The following SLC47A1 variants were observed in gnomAD, a reference collection of about 807,000 sequenced individuals.
SLC47A1 encodes solute carrier family 47 member 1.
A neutral mutation model predicts 65.8 loss-of-function variants in SLC47A1; 58 were observed. The ratio of observed to expected loss-of-function variants is 0.88; its 90% confidence interval spans 0.71 to 1.10. SLC47A1 has a LOEUF of 1.10. SLC47A1 is among the 50% of genes least tolerant of loss of function. SLC47A1 has a pLI of 0.00. For missense variants in SLC47A1, 706 were observed against 719.2 expected (o/e 0.98, Z 0.21); for synonymous variants, 285 against 295.0 (o/e 0.97, Z 0.35).
At chr17:19,536,976 T>C (rs1357822339) in intron 1 of SLC47A1, among the ~76,000 whole-genome samples, 1 of 152,274 alleles carries the variant, frequency 6.6e-6, no homozygotes, top group Non-Finnish European at 1.5e-5. Flanking sequence ...GCGTCCATTT[T>C]ATCCTGGAGA....
At chr17:19,535,173 G>T (rs1915957760) in intron 1 of SLC47A1, 1 of 152,386 alleles carries the variant, frequency 6.6e-6, no homozygotes, top group Non-Finnish European at 1.5e-5. Context: ...GGTGGTTCAC[G>T]CCTGTAATCC....
rs1380653381 is a variant in SLC47A1 at position 19,533,951 on chromosome 17, T to A, written c.12T>A (p.Pro4=). 1.3e-6 allele frequency: 2 copies of A among 1,528,544 alleles called. No individual in the cohort carries two copies. Among genetic ancestry groups the A allele is most frequent in the Non-Finnish European group, 1.8e-6 (2 of 1,141,926 alleles). 94.7% of individuals were successfully genotyped at this position (1,528,544 alleles called of 1,614,324 possible). A position where few individuals can be genotyped will look rare whatever the true frequency, so the allele number is the denominator to read the frequency against. The part of the protein sequence containing the change: MEA[P]EEPAPVRGGP... Reference sequence around the variant, plus strand: ...AGCGCGCGAGTCACATGGAAGCTCCTGAGGAGCCCGCGCCAGTGCGCGGAG... The same window carrying A: ...AGCGCGCGAGTCACATGGAAGCTCCAGAGGAGCCCGCGCCAGTGCGCGGAG... Residue 4 remains proline, a synonymous_variant, in exon 1 of 17, where the codon CCT becomes CCA. Coordinates refer to ENST00000270570, the MANE Select transcript of SLC47A1 (RefSeq NM_018242.3).
At chr17:19,573,646 G>A (rs142170694) in intron 16 of SLC47A1, among the ~76,000 whole-genome samples, 5 of 152,118 alleles carry the variant, frequency 3.3e-5, no homozygotes, top group African/African-American at 9.6e-5. Flanking sequence ...GCCTCCCAAA[G>A]CAGTGGGATT....
chr17:19,578,154 T>G lies in SLC47A1; in HGVS notation c.*601T>G. On this transcript the variant is annotated 3_prime_UTR_variant, in exon 17 of 17. Coordinates refer to ENST00000270570, the MANE Select transcript of SLC47A1 (RefSeq NM_018242.3). ...GTATGCCACCATGCCCAGCTGGCAT[T>G]TGTTAATCTTCATTTGAGGTCTAGA... 1 of 421,760 alleles carries G rather than the reference T, an allele frequency of 2.4e-6. No homozygotes were observed. The highest frequency in any genetic ancestry group is 4.6e-6 in the Non-Finnish European group (1 of 217,302). 26.1% of individuals were successfully genotyped at this position (421,760 alleles called of 1,614,324 possible).
At position 19,577,211 on chromosome 17, in the gene SLC47A1, A is replaced by G. The variant is rs950206099; in HGVS notation, c.1487-116A>G. On this transcript the variant is annotated intron_variant, in intron 16 of 16. Transcript: ENST00000270570. ...TCTTTTATTTATTCACTGTAGCAAT[A>G]GTGTCCTGAATTAACTTTCTCTCCA... The G allele has an allele frequency of 5.1e-6, 7 of 1,366,954 alleles. No homozygotes were observed. The African/African-American group carries it at 1.0e-4, about 20-fold the overall frequency. 84.7% of individuals were successfully genotyped at this position (1,366,954 alleles called of 1,614,324 possible).
chr17:19,558,237 C>G (rs1916676496), intron 10 of SLC47A1, among the ~76,000 whole-genome samples: 1 of 152,188 alleles, frequency 6.6e-6, no homozygotes, highest in Non-Finnish European at 1.5e-5. Context: ...CTTCGTCTTT[C>G]TTGACCTTGG....
chr17:19,555,651 T>C lies in SLC47A1; in HGVS notation c.700T>C (p.Tyr234His). Residue 234 changes from tyrosine to histidine, a missense_variant, in exon 8 of 17, where the codon TAC (tyrosine) becomes CAC (histidine). Physicochemically the swap from Tyr to His is moderately conservative, Grantham distance 83. Coordinates refer to ENST00000270570, the MANE Select transcript of SLC47A1 (RefSeq NM_018242.3). ...QYTLALLLFL[Y>H]ILGKKLHQAT... ...CACCCTGGCTCTACTCCTCTTTCTC[T>C]ACATCCTCGGGAAAAAACTGCATCA... 5 of 1,614,206 alleles carry C rather than the reference T, an allele frequency of 3.1e-6. No individual in the cohort carries two copies. In the South Asian group the frequency reaches 5.5e-5, roughly 18 times the overall value.
rs375987597 is a variant in SLC47A1, at chr17:19,555,193, T to C, written c.544-19T>C. 1 of 1,610,580 alleles carries C rather than the reference T, an allele frequency of 6.2e-7. No homozygotes were observed. Among genetic ancestry groups the C allele is most frequent in the East Asian group, 2.2e-5 (1 of 44,876 alleles). ...TATTCTGTGGATCTCAAGGATGGCA[T>C]GCGGTGTCCTTTTTCCAGGGAATTG... On this transcript the variant is annotated intron_variant, in intron 6 of 16. Coordinates refer to ENST00000270570, the MANE Select transcript of SLC47A1 (RefSeq NM_018242.3).
chr17:19,574,436 G>C (rs1426666201), intron 16 of SLC47A1, among the ~76,000 whole-genome samples: 1 of 152,122 alleles, frequency 6.6e-6, no homozygotes, highest in African/African-American at 2.4e-5. Flanking sequence ...TCAGAGGCTG[G>C]GCAGCCCCTC....
At chr17:19,541,390 C>T (rs541949314) in intron 1 of SLC47A1, among the ~76,000 whole-genome samples, 70 of 152,250 alleles carry the variant, frequency 4.6e-4, no homozygotes, top group African/African-American at 1.5e-3. Flanking sequence ...GATACTGGAC[C>T]GCCTGGGTCT....
In SLC47A1 at chr17:19,578,090, C is replaced by T. The variant is rs1942842407; in HGVS notation, c.*537C>T. On this transcript the variant is annotated 3_prime_UTR_variant, in exon 17 of 17. Coordinates refer to ENST00000270570, the MANE Select transcript of SLC47A1 (RefSeq NM_018242.3). Reference sequence around the variant, plus strand: ...CTCGAACTCTTGGGCTTCAAGCAATCCTCCTGTGTCAGCCACCAGAGTAGC... The same window carrying T: ...CTCGAACTCTTGGGCTTCAAGCAATTCTCCTGTGTCAGCCACCAGAGTAGC... 1 of 691,856 alleles carries T rather than the reference C, an allele frequency of 1.4e-6. No homozygotes were observed. The highest frequency in any genetic ancestry group is 1.8e-5 in the African/African-American group (1 of 54,246). The allele number at this position is 691,856 out of a possible 1,614,324, so 42.9% of individuals were successfully genotyped here.
intron 3 of SLC47A1, 86 bp downstream of exon 3, chr17:19,546,589 T>A: frequency 7.5e-7 from 1 of 1,337,216 alleles, no homozygotes; most frequent in Admixed American, 1.9e-5. Flanking sequence ...CAGGAAGAGT[T>A]CAGCAGCCAG....
intron 1 of SLC47A1, among the ~76,000 whole-genome samples, chr17:19,536,051 C>T (rs924396722): frequency 6.6e-6 from 1 of 151,940 alleles, no homozygotes; most frequent in African/African-American, 2.4e-5. Context: ...ACTGCAGCCT[C>T]AACTTCTGGA....
chr17:19,535,552 C>G (rs950271543), intron 1 of SLC47A1: 1 of 152,138 alleles, frequency 6.6e-6, no homozygotes, highest in Admixed American at 6.5e-5. Flanking sequence ...GAGATTGAGA[C>G]CATCCTGGCC....
rs1480216443 is a variant in SLC47A1 at position 19,560,224 on chromosome 17, G to A, written c.958G>A (p.Val320Ile). ...AGFSVAASVRVGNALGAGDME... is the reference protein window; with the variant it reads ...AGFSVAASVRIGNALGAGDME... Reference sequence around the variant, plus strand: ...CTTCAGTGTGGCTGCCAGTGTCCGGGTAGGAAACGCTCTGGGTGCTGGAGA... The same window carrying A: ...CTTCAGTGTGGCTGCCAGTGTCCGGATAGGAAACGCTCTGGGTGCTGGAGA... Residue 320 changes from valine to isoleucine, a missense_variant, in exon 11 of 17, where the codon GTA becomes ATA. Physicochemically the swap from Val to Ile is conservative, Grantham distance 29. Coordinates refer to ENST00000270570, the MANE Select transcript of SLC47A1 (RefSeq NM_018242.3). 1 of 1,613,372 alleles carries A rather than the reference G, an allele frequency of 6.2e-7. No individual in the cohort carries two copies. The highest frequency in any genetic ancestry group is 1.7e-5 in the Admixed American group (1 of 59,998).
chr17:19,574,795 C>T (rs1314765405), intron 16 of SLC47A1, among the ~76,000 whole-genome samples: 6 of 152,064 alleles, frequency 3.9e-5, no homozygotes, highest in Admixed American at 3.9e-4. Context: ...ACCACCACAC[C>T]CTGCTAATAT....
chr17:19,571,507 G>C lies in SLC47A1; in HGVS notation c.1339G>C (p.Val447Leu), dbSNP rs756279531. The change falls in exon 15 of 17, where the codon GTC becomes CTC. Residue 447 changes from valine (V) to leucine (L), a missense_variant. Val to Leu is a conservative substitution (Grantham distance 32, BLOSUM62 1). Transcript: ENST00000270570. ...GTGGTCAGGGATCATCATCTGTACA[G>C]TCTTTCAAGCTGTGTGTTTTCTAGG... ...GLWSGIIICTVFQAVCFLGFI... is the reference protein window; with the variant it reads ...GLWSGIIICTLFQAVCFLGFI... The C allele has an allele frequency of 6.2e-7, 1 of 1,613,900 alleles. No individual in the cohort carries two copies. Among genetic ancestry groups the C allele is most frequent in the Non-Finnish European group, 8.5e-7 (1 of 1,179,994 alleles).
chr17:19,577,188 TTTTA>T, intron 16 of SLC47A1, 135 bp from the exon 17 acceptor site: 1 of 1,238,786 alleles, frequency 8.1e-7, no homozygotes, highest in South Asian at 1.6e-5. Flanking sequence ...ATAAGATTTC[TTTTA>T]TTTATTCACT....
chr17:19,570,705 G>T (rs1048390949), intron 14 of SLC47A1: 1 of 152,290 alleles, frequency 6.6e-6, no homozygotes, highest in African/African-American at 2.4e-5. Flanking sequence ...ATTGTAGATG[G>T]GGTGGGGTTT....
Sources: gnomAD v4.1 joint callset for allele counts (sites outside exome capture counted in the v4.1 genomes callset) on GRCh38, gnomAD v4.1.1 for gene constraint, MANE v1.5 for transcripts, NCBI Gene and HGNC (gene_info 2026-07-23, HGNC 2026-07-21) for gene names.